Variants in GRID1 observed in about 807,000 individuals in gnomAD.
The protein encoded by GRID1 is glutamate ionotropic receptor delta type subunit 1.
GRID1 carries 28 observed loss-of-function variants against 98.0 expected under a neutral mutation model. The observed-to-expected ratio is 0.29, with a 90% CI of 0.21 to 0.39. The LOEUF is 0.39. GRID1 is among the 10% of genes least tolerant of loss of function. GRID1 has a pLI of 1.00. For missense variants in GRID1, 1,111 were observed against 1,340.5 expected, an observed-to-expected ratio of 0.83 and a Z score of 2.67; for synonymous variants, 553 against 538.5, an observed-to-expected ratio of 1.03 and a Z score of -0.37.
intron 5 of GRID1, among the ~76,000 whole-genome samples, chr10:85,881,792 A>G (rs1841031150): frequency 6.6e-6 from 1 of 152,210 alleles, no homozygotes; most frequent in Non-Finnish European, 1.5e-5. Context: ...ATTAAACTAA[A>G]GAGCTTCTGC....
chr10:86,007,865 G>T (rs1842882296), intron 4 of GRID1, among the ~76,000 whole-genome samples: 1 of 149,974 alleles, frequency 6.7e-6, no homozygotes, highest in African/African-American at 2.5e-5. Flanking sequence ...TGGTTAGGGG[G>T]AGTTGTCACA....
intron 8 of GRID1, among the ~76,000 whole-genome samples, chr10:85,829,597 CAA>C (rs752197702): frequency 2.0e-5 from 3 of 152,062 alleles, no homozygotes; most frequent in Non-Finnish European, 4.4e-5. Context: ...TCAATTTCTG[CAA>C]AGTTTTAGGA....
chr10:86,064,721 A>C (rs1843695804), intron 4 of GRID1, among the ~76,000 whole-genome samples: 1 of 152,190 alleles, frequency 6.6e-6, no homozygotes, highest in Non-Finnish European at 1.5e-5. Context: ...ATGATGCTCC[A>C]GCCAATCAGA....
At chr10:85,820,178 G>C (rs375534965) in intron 8 of GRID1, among the ~76,000 whole-genome samples, 1 of 122,230 alleles carries the variant, frequency 8.2e-6, no homozygotes. Flanking sequence ...AAAGAGAAAA[G>C]AAAAGAAAAC....
chr10:85,736,754 C>G (rs1002384367), intron 8 of GRID1, among the ~76,000 whole-genome samples: 1 of 152,162 alleles, frequency 6.6e-6, no homozygotes, highest in African/African-American at 2.4e-5. Flanking sequence ...AGGGAACTCA[C>G]TATCTTGAAT....
At chr10:86,137,999 T>C (rs1191988897) in intron 4 of GRID1, among the ~76,000 whole-genome samples, 1 of 152,148 alleles carries the variant, frequency 6.6e-6, no homozygotes, top group African/African-American at 2.4e-5. Flanking sequence ...TGGGGTTGTC[T>C]GGAGAATCTG....
chr10:85,722,461 T>C (rs1841714668), intron 12 of GRID1, among the ~76,000 whole-genome samples: 1 of 152,222 alleles, frequency 6.6e-6, no homozygotes, highest in Admixed American at 6.5e-5. Flanking sequence ...TATTTCGCTA[T>C]ATTGAGCTCA....
intron 2 of GRID1, among the ~76,000 whole-genome samples, chr10:86,279,883 A>G (rs1208170558): frequency 6.6e-6 from 1 of 152,214 alleles, no homozygotes; most frequent in African/African-American, 2.4e-5. Flanking sequence ...ACTAAAACCA[A>G]TAAGTAAGTT....
chr10:86,237,438 C>T lies in GRID1; in HGVS notation c.236-30790G>A, dbSNP rs143728306. Reference sequence around the variant, plus strand: ...GCACCTGGATGGGCACAGTGGCTCACGCCTGTAATCCCAACACTTTTGGAG... The same window carrying T: ...GCACCTGGATGGGCACAGTGGCTCATGCCTGTAATCCCAACACTTTTGGAG... On this transcript the variant is annotated intron_variant, in intron 2 of 15. Transcript: ENST00000327946. Among the ~76,000 whole-genome samples the T allele has an allele frequency of 1.9e-3, 290 of 152,284 alleles. 6 individuals carry two copies. In the East Asian group the frequency reaches 0.043, roughly 23 times the overall value.
At chr10:85,699,618 T>C (rs1460311702) in intron 12 of GRID1, among the ~76,000 whole-genome samples, 1 of 152,186 alleles carries the variant, frequency 6.6e-6, no homozygotes, top group Admixed American at 6.5e-5. Context: ...TTAAAAATAA[T>C]AATACAAAAT....
At chr10:85,808,356 A>G (rs1842641127) in intron 8 of GRID1, among the ~76,000 whole-genome samples, 1 of 152,204 alleles carries the variant, frequency 6.6e-6, no homozygotes, top group South Asian at 2.1e-4. Flanking sequence ...GTATGTTAAG[A>G]GAAAGGAACA....
intron 2 of GRID1, among the ~76,000 whole-genome samples, chr10:86,209,828 C>T (rs1278264842): frequency 6.6e-6 from 1 of 152,154 alleles, no homozygotes; most frequent in Non-Finnish European, 1.5e-5. Context: ...CTGCCTGGCT[C>T]CCTCCCAGGT....
At chr10:85,644,547 C>A (rs973535138) in intron 13 of GRID1, among the ~76,000 whole-genome samples, 2 of 152,136 alleles carry the variant, frequency 1.3e-5, no homozygotes, top group African/African-American at 4.8e-5. Context: ...AAGATTCATC[C>A]ATTTCATTGT....
intron 8 of GRID1, among the ~76,000 whole-genome samples, chr10:85,753,739 G>A (rs1375684617): frequency 1.3e-5 from 2 of 152,228 alleles, no homozygotes; most frequent in African/African-American, 4.8e-5. Context: ...CTCATGAAGT[G>A]TAATGAAAAA....
chr10:86,250,546 T>C (rs1846804779), intron 2 of GRID1, among the ~76,000 whole-genome samples: 2 of 152,038 alleles, frequency 1.3e-5, no homozygotes, highest in African/African-American at 2.4e-5. Context: ...TGCTTAAAAA[T>C]TGCATGTGTA....
intron 2 of GRID1, among the ~76,000 whole-genome samples, chr10:86,351,351 A>G (rs1848459657): frequency 1.3e-5 from 2 of 152,226 alleles, no homozygotes; most frequent in African/African-American, 4.8e-5. Context: ...CAGCACACAT[A>G]GGAGCTGGTC....
intron 4 of GRID1, among the ~76,000 whole-genome samples, chr10:86,007,021 A>G (rs1204514004): frequency 6.6e-6 from 1 of 152,122 alleles, no homozygotes; most frequent in African/African-American, 2.4e-5. Flanking sequence ...TGGGGGAAGC[A>G]GGGGTCACAC....
intron 4 of GRID1, among the ~76,000 whole-genome samples, chr10:86,103,006 C>G (rs183139365): frequency 6.6e-6 from 1 of 152,068 alleles, no homozygotes; most frequent in Non-Finnish European, 1.5e-5. Flanking sequence ...CATGCCTTTG[C>G]TGCTCCTTCA....
At chr10:85,876,472 C>T (rs1294889854) in intron 5 of GRID1, among the ~76,000 whole-genome samples, 2 of 152,094 alleles carry the variant, frequency 1.3e-5, no homozygotes, top group South Asian at 2.1e-4. Context: ...CCAAGATAAT[C>T]GCCCCATCTC....
Sources: allele counts gnomAD v4.1 joint callset (sites outside exome capture counted in the v4.1 genomes callset), GRCh38; gene constraint gnomAD v4.1.1; transcripts MANE v1.5; gene names NCBI Gene and HGNC (gene_info 2026-07-23, HGNC 2026-07-21).